The following NEK10 variants were observed in gnomAD, a reference collection of about 807,000 sequenced individuals.
NEK10 encodes serine/threonine-protein kinase Nek10.
A neutral mutation model predicts 159.8 loss-of-function variants in NEK10; 122 were observed. The ratio of observed to expected loss-of-function variants is 0.76; its 90% confidence interval spans 0.66 to 0.89. NEK10 has a LOEUF of 0.89. Ranked by LOEUF, NEK10 falls within the 40% of genes least tolerant of loss-of-function variation. The pLI is 0.00. For synonymous variants in NEK10, 466 were observed against 457.1 expected, an observed-to-expected ratio of 1.02 and a Z score of -0.25; for missense variants, 1,342 against 1,323.1, an observed-to-expected ratio of 1.01 and a Z score of -0.22.
chr3:27,331,259 A>C (rs79664510), intron 5 of NEK10, among the ~76,000 whole-genome samples: 1 of 148,154 alleles, frequency 6.7e-6, no homozygotes, highest in South Asian at 2.2e-4. Context: ...AACAAAAAAA[A>C]AAAACACACA....
intron 26 of NEK10, 42 bp from the exon 27 acceptor site, chr3:27,174,875 C>T (rs1411491121): frequency 6.7e-7 from 1 of 1,492,570 alleles, no homozygotes; most frequent in Admixed American, 2.3e-5. Flanking sequence ...CTTTCTCTAT[C>T]CTTCCTTCTA....
chr3:27,287,426 A>AT (rs1483619139), intron 20 of NEK10, among the ~76,000 whole-genome samples: 2 of 152,176 alleles, frequency 1.3e-5, no homozygotes, highest in Admixed American at 6.5e-5. Flanking sequence ...CTATTAAGTG[A>AT]TTTTTTTGTA....
At chr3:27,146,921 G>A (rs1270493590) in intron 30 of NEK10, among the ~76,000 whole-genome samples, 2 of 152,178 alleles carry the variant, frequency 1.3e-5, no homozygotes, top group East Asian at 3.9e-4. Flanking sequence ...TAGCTGGTGT[G>A]CAGTACAATA....
intron 23 of NEK10, among the ~76,000 whole-genome samples, chr3:27,204,275 CTTTTTTTTTTTTTTTTTTTGTTGTTG>C (rs1950297502): frequency 4.7e-5 from 3 of 64,006 alleles, no homozygotes; most frequent in Admixed American, 1.9e-4. Context: ...GATAAATTTT[CTTTTTTTTTTTTTTTTTTTGTTGTTG>C]TTTTTTTTTT....
At chr3:27,259,441 A>C (rs1216699518) in intron 22 of NEK10, among the ~76,000 whole-genome samples, 1 of 152,198 alleles carries the variant, frequency 6.6e-6, no homozygotes, top group African/African-American at 2.4e-5. Flanking sequence ...ACATATGGCT[A>C]GCGAGTTTTC....
At chr3:27,292,173 A>T (rs543805761) in intron 16 of NEK10, among the ~76,000 whole-genome samples, 1 of 152,328 alleles carries the variant, frequency 6.6e-6, no homozygotes, top group East Asian at 1.9e-4. Context: ...TTAAAATTTT[A>T]AGAAGGTAGA....
intron 14 of NEK10, among the ~76,000 whole-genome samples, chr3:27,296,180 C>T (rs2043341400): frequency 6.6e-6 from 1 of 151,848 alleles, no homozygotes; most frequent in Admixed American, 6.6e-5. Context: ...TACCTTACAG[C>T]CACTTTTCTA....
chr3:27,112,425 T>C (rs373724378), intron 35 of NEK10, among the ~76,000 whole-genome samples: 3 of 152,360 alleles, frequency 2.0e-5, no homozygotes, highest in South Asian at 2.1e-4. Context: ...AAATTATATA[T>C]GTAACTTTCT....
chr3:27,254,706 G>A (rs1381869568), intron 23 of NEK10, among the ~76,000 whole-genome samples: 1 of 151,938 alleles, frequency 6.6e-6, no homozygotes. Context: ...AAGATAAATG[G>A]TAGTAAGATA....
chr3:27,119,772 T>C lies in NEK10; in HGVS notation c.3178A>G (p.Asn1060Asp), dbSNP rs368155143. ...RSSGGNSLSP[N>D]DPTGLPTSIE... ...TGATCACTATTACCTGTAGGGTCAT[T>C]TGGGGACAGGCTGTTTCCACCGGAT... is the stretch of plus-strand genomic sequence containing the variant. Residue 1060 changes from asparagine to aspartate, a missense_variant, in exon 33 of 36, where the codon AAT becomes GAT. Coordinates refer to ENST00000691995, the MANE Select transcript of NEK10 (RefSeq NM_001394966.1). 11 of 1,613,436 alleles carry C rather than the reference T, an allele frequency of 6.8e-6. No individual in the cohort carries two copies. In the African/African-American group the frequency reaches 1.2e-4, roughly 18 times the overall value.
At chr3:27,156,296 T>C (rs142101028) in intron 30 of NEK10, among the ~76,000 whole-genome samples, 2 of 151,772 alleles carry the variant, frequency 1.3e-5, no homozygotes, top group African/African-American at 4.8e-5. Context: ...CAAAGATAAA[T>C]AGCAGGGACC....
intron 29 of NEK10, among the ~76,000 whole-genome samples, 192 bp downstream of exon 29, chr3:27,171,627 G>T (rs1255671004): frequency 1.3e-5 from 2 of 152,172 alleles, no homozygotes; most frequent in Non-Finnish European, 2.9e-5. Context: ...GCTAGACTAA[G>T]ACCCAGGTCC....
chr3:27,236,508 T>C (rs1049707482), intron 23 of NEK10, among the ~76,000 whole-genome samples: 4 of 152,084 alleles, frequency 2.6e-5, no homozygotes, highest in South Asian at 2.1e-4. Context: ...TCAATGTAGG[T>C]TCTATTTTCC....
chr3:27,363,971 C>T (rs1262066059), intron 1 of NEK10: 1 of 151,968 alleles, frequency 6.6e-6, no homozygotes, highest in African/African-American at 2.4e-5. Flanking sequence ...TTAGAAATAA[C>T]AACATGCCTA....
At chr3:27,332,882 G>A (rs1179408302) in intron 5 of NEK10, among the ~76,000 whole-genome samples, 1 of 152,128 alleles carries the variant, frequency 6.6e-6, no homozygotes, top group Non-Finnish European at 1.5e-5. Context: ...ATGACGTCAC[G>A]AGAGAAAAAA....
chr3:27,283,041 T>C (rs1207109645), intron 22 of NEK10, among the ~76,000 whole-genome samples: 1 of 152,154 alleles, frequency 6.6e-6, no homozygotes, highest in East Asian at 1.9e-4. Context: ...TTGAAGGTTA[T>C]CTAGAGTTTC....
At chr3:27,256,769 C>A (rs551299782) in intron 22 of NEK10, among the ~76,000 whole-genome samples, 5 of 152,252 alleles carry the variant, frequency 3.3e-5, no homozygotes, top group Admixed American at 2.6e-4. Context: ...AATCACAGTA[C>A]AAGTATGTTC....
intron 26 of NEK10, among the ~76,000 whole-genome samples, chr3:27,179,697 A>C (rs764382457): frequency 6.6e-6 from 1 of 152,246 alleles, no homozygotes; most frequent in Non-Finnish European, 1.5e-5. Context: ...ACAGCAGACT[A>C]ACATGCCAAT....
Position 27,107,103 on chromosome 3 carries a change from A to T in NEK10, c.*4169T>A, listed in dbSNP as rs889320576. Among the ~76,000 whole-genome samples, 7 of 152,078 alleles carry T rather than the reference A, an allele frequency of 4.6e-5. No homozygotes were observed. Among genetic ancestry groups the T allele is most frequent in the Non-Finnish European group, 1.0e-4 (7 of 68,018 alleles). Reference sequence around the variant, plus strand: ...CTTAAATTTTTTATATTATTAGACAATTGTTACATACATGCAATAAAGCAT... The same window carrying T: ...CTTAAATTTTTTATATTATTAGACATTTGTTACATACATGCAATAAAGCAT... On this transcript the variant is annotated 3_prime_UTR_variant, in exon 36 of 36. Transcript: ENST00000691995.
Sources: gnomAD v4.1 joint callset for allele counts (sites outside exome capture counted in the v4.1 genomes callset) on GRCh38, gnomAD v4.1.1 for gene constraint, MANE v1.5 for transcripts, NCBI Gene and HGNC (gene_info 2026-07-23, HGNC 2026-07-21) for gene names.